Variants in MYO18B observed in about 807,000 individuals in gnomAD.
MYO18B encodes the protein unconventional myosin-XVIIIb.
In MYO18B, 204 loss-of-function variants were observed where a neutral mutation model predicts 273.0. That is an observed-to-expected ratio of 0.75 (90% CI 0.67 to 0.84). The LOEUF (loss-of-function observed/expected upper bound fraction) is 0.84, where lower values mean the gene tolerates loss of function less well. Ranked by LOEUF, MYO18B falls within the 40% of genes least tolerant of loss-of-function variation. The pLI is 0.00. For synonymous variants in MYO18B, 1,330 were observed against 1,305.7 expected (o/e 1.02, Z -0.40); for missense variants, 3,212 against 3,287.6 (o/e 0.98, Z 0.56).
chr22:26,057,371 C>T, the MYO18B span, among the ~76,000 whole-genome samples: 1 of 151,986 alleles, frequency 6.6e-6, no homozygotes, highest in African/African-American at 2.4e-5. Flanking sequence ...TACTAAAGCC[C>T]AGATGAGGGA....
chr22:25,880,516 C>T (rs895907254), intron 25 of MYO18B, among the ~76,000 whole-genome samples: 2 of 152,162 alleles, frequency 1.3e-5, no homozygotes, highest in Admixed American at 6.6e-5. Flanking sequence ...TTACATGCTT[C>T]ATTCTAGTCT....
chr22:26,004,892 A>G, intron 42 of MYO18B, 37 bp downstream of exon 42: 1 of 1,610,136 alleles, frequency 6.2e-7, no homozygotes. Flanking sequence ...GATGGCTAAT[A>G]GCTTGAAGAA....
intron 2 of MYO18B, 134 bp downstream of exon 2, chr22:25,761,265 C>T: frequency 1.0e-6 from 1 of 986,776 alleles, no homozygotes. Flanking sequence ...GCAATCCCAC[C>T]TTCAACCTTC....
chr22:26,027,682 C>G lies in MYO18B; in HGVS notation c.*4C>G. The G allele has an allele frequency of 6.2e-7, 1 of 1,604,796 alleles. No homozygotes were observed. Among genetic ancestry groups the G allele is most frequent in the Non-Finnish European group, 8.5e-7 (1 of 1,175,290 alleles). ...GAAGAAATACCTCCAGAAGTAGGAA[C>G]CAGTTCAGGTAAAAGCAACAGGCTG... On this transcript the variant is annotated 3_prime_UTR_variant, in exon 43 of 44. Coordinates refer to ENST00000335473, the MANE Select transcript of MYO18B (RefSeq NM_032608.7). This position sits in a 1 kb window ranked among gnomAD's most constrained non-coding sequence, Gnocchi z 4.1.
At chr22:26,011,195 T>C (rs1934890616) in intron 42 of MYO18B, among the ~76,000 whole-genome samples, 1 of 151,546 alleles carries the variant, frequency 6.6e-6, no homozygotes, top group Non-Finnish European at 1.5e-5. Context: ...GGCAACAAGA[T>C]GGCGGCTAAC....
chr22:26,060,607 A>G, the MYO18B span, among the ~76,000 whole-genome samples: 1 of 152,176 alleles, frequency 6.6e-6, no homozygotes, highest in Non-Finnish European at 1.5e-5. Context: ...ACAGATATGT[A>G]TACACACATA....
intron 39 of MYO18B, among the ~76,000 whole-genome samples, chr22:25,990,407 C>T (rs1022300215): frequency 3.3e-5 from 5 of 151,956 alleles, no homozygotes; most frequent in South Asian, 2.1e-4. Flanking sequence ...AAAATGAGGC[C>T]GGGTGCAGTG....
intron 25 of MYO18B, among the ~76,000 whole-genome samples, chr22:25,885,795 A>G (rs148150322): frequency 3.3e-5 from 5 of 152,284 alleles, no homozygotes; most frequent in African/African-American, 1.2e-4. Flanking sequence ...AAACCCCCTT[A>G]TAAAGCCCCT....
intron 40 of MYO18B, among the ~76,000 whole-genome samples, chr22:25,994,163 G>C (rs1419613456): frequency 6.6e-6 from 1 of 152,176 alleles, no homozygotes; most frequent in East Asian, 1.9e-4. Flanking sequence ...AGAGCCACTG[G>C]ACTCTAAAAC....
intron 34 of MYO18B, among the ~76,000 whole-genome samples, chr22:25,943,542 C>T (rs1352673774): frequency 1.3e-5 from 2 of 152,116 alleles, no homozygotes; most frequent in Non-Finnish European, 2.9e-5. Flanking sequence ...TTCAGCATCT[C>T]CTCCTCCTCT....
At chr22:26,018,625 C>T (rs984715447) in intron 42 of MYO18B, among the ~76,000 whole-genome samples, 2 of 152,212 alleles carry the variant, frequency 1.3e-5, no homozygotes, top group Non-Finnish European at 2.9e-5. Context: ...TCCTACCCTT[C>T]TTCCAAAGCC....
At chr22:25,993,186 A>G (rs970550720) in intron 40 of MYO18B, among the ~76,000 whole-genome samples, 5 of 152,012 alleles carry the variant, frequency 3.3e-5, no homozygotes, top group South Asian at 2.1e-4. Context: ...TCAGCTGGAA[A>G]GAGTTTGAGG....
At position 25,948,522 on chromosome 22, in the gene MYO18B, T is replaced by TCC. The variant is rs1487546084; in HGVS notation, c.5748+694_5748+695insCC. Among the ~76,000 whole-genome samples the TCC allele has an allele frequency of 7.2e-3, 837 of 115,834 alleles. 15 individuals are homozygous for TCC. Among genetic ancestry groups the TCC allele is most frequent in the African/African-American group, 0.01 (276 of 26,918 alleles). The allele number at this position is 115,834 out of a possible 152,430, so 76.0% of individuals were successfully genotyped here. ...TTTCCTCTCTTTTCTCTTTCCTTCT[T>TCC]TCTTTCTTCCTTCCTTCCTTCCTTC... On this transcript the variant is annotated intron_variant, in intron 36 of 43. Coordinates refer to ENST00000335473, the MANE Select transcript of MYO18B (RefSeq NM_032608.7).
chr22:26,031,908 G>A (rs1369362354), downstream of MYO18B, among the ~76,000 whole-genome samples: 1 of 152,192 alleles, frequency 6.6e-6, no homozygotes, highest in Non-Finnish European at 1.5e-5. Context: ...TTCACAGGAG[G>A]GCTCTGGGTC....
At chr22:25,866,288 G>A (rs1454512072) in intron 21 of MYO18B, among the ~76,000 whole-genome samples, 1 of 152,140 alleles carries the variant, frequency 6.6e-6, no homozygotes, top group Non-Finnish European at 1.5e-5. Context: ...GAGGGGAATT[G>A]GCAGTCACTA....
chr22:25,769,058 C>T lies in MYO18B; in HGVS notation c.1142C>T (p.Thr381Met), dbSNP rs202133740. The change falls in exon 4 of 44, where the codon ACG (threonine) becomes ATG (methionine). Residue 381 changes from threonine (T) to methionine (M), a missense_variant. By Grantham distance (81) the Thr-to-Met change is moderately conservative (BLOSUM62 -1). Coordinates refer to ENST00000335473, the MANE Select transcript of MYO18B (RefSeq NM_032608.7). ...MGEKAGELRS[T>M]TGKAGESWDK... The stretch of plus-strand genomic sequence containing the variant: ...GAGAAAGCAGGTGAGCTTCGGAGCA[C>T]GACTGGGAAGGCAGGTGAGTCCTGG... 191 of 1,612,284 alleles carry T rather than the reference C, an allele frequency of 1.2e-4. 1 individual carries two copies. Among genetic ancestry groups the T allele is most frequent in the African/African-American group, 9.6e-4 (72 of 75,008 alleles).
At chr22:25,876,681 T>C (rs139847212) in intron 24 of MYO18B, among the ~76,000 whole-genome samples, 106 of 152,302 alleles carry the variant, frequency 7.0e-4, no homozygotes, top group African/African-American at 1.7e-3. Flanking sequence ...GACAACACTC[T>C]TTTTCTTTCA....
chr22:25,880,354 A>T (rs2091303519), intron 25 of MYO18B, among the ~76,000 whole-genome samples: 2 of 152,228 alleles, frequency 1.3e-5, no homozygotes, highest in African/African-American at 4.8e-5. Context: ...AACAGTGTGA[A>T]CCAATCTTTA....
intron 25 of MYO18B, among the ~76,000 whole-genome samples, chr22:25,880,460 G>A (rs1304549406): frequency 6.6e-6 from 1 of 151,436 alleles, no homozygotes; most frequent in Non-Finnish European, 1.5e-5. Flanking sequence ...ATTTCTGAGA[G>A]TTTTTTTTTG....
Sources: allele counts gnomAD v4.1 joint callset (sites outside exome capture counted in the v4.1 genomes callset), GRCh38; gene constraint gnomAD v4.1.1; non-coding constraint Gnocchi (gnomAD v3.1); transcripts MANE v1.5; gene names NCBI Gene and HGNC (gene_info 2026-07-23, HGNC 2026-07-21).